Variants in NUCKS1 observed in about 807,000 individuals in gnomAD.
NUCKS1 encodes nuclear ubiquitous casein and cyclin-dependent kinase substrate 1.
A neutral mutation model predicts 33.0 loss-of-function variants in NUCKS1; 2 were observed. That is an observed-to-expected ratio of 0.06 (90% CI 0.02 to 0.19). The LOEUF is 0.19. Among genes scored for constraint, NUCKS1 ranks in the 10% least tolerant of loss-of-function variants. The probability of loss-of-function intolerance (pLI) is 1.00; values close to 1 mark genes in which losing one functional copy is unlikely to be tolerated. For synonymous variants in NUCKS1, 106 were observed against 102.8 expected (o/e 1.03, Z -0.19); for missense variants, 201 against 293.6 (o/e 0.68, Z 2.31).
At chr1:205,720,352 C>T (rs780109094) in intron 5 of NUCKS1, 149 bp downstream of exon 5, 2 of 690,580 alleles carry the variant, frequency 2.9e-6, no homozygotes, top group Non-Finnish European at 4.8e-6. Context: ...TAACAGGAAC[C>T]AATACAGTCA....
At chr1:205,724,251 G>A (rs1420457138) in intron 3 of NUCKS1, among the ~76,000 whole-genome samples, 2 of 152,134 alleles carry the variant, frequency 1.3e-5, no homozygotes, top group Non-Finnish European at 1.5e-5. Flanking sequence ...TTCACCTATG[G>A]ATAAAGCTTG....
At chr1:205,735,157 TCATGTGCTG>T (rs1259056944) in intron 1 of NUCKS1, among the ~76,000 whole-genome samples, 1 of 152,204 alleles carries the variant, frequency 6.6e-6, no homozygotes, top group African/African-American at 2.4e-5. Flanking sequence ...CAAAATACAA[TCATGTGCTG>T]CATGACATTA....
chr1:205,728,100 T>C (rs1015124570), intron 2 of NUCKS1, among the ~76,000 whole-genome samples: 6 of 152,176 alleles, frequency 3.9e-5, no homozygotes, highest in Non-Finnish European at 7.3e-5. Flanking sequence ...TTCACACTTA[T>C]TTGAAAATTA....
intron 2 of NUCKS1, 48 bp downstream of exon 2, chr1:205,729,524 C>T (rs766435254): frequency 2.4e-6 from 3 of 1,274,784 alleles, no homozygotes; most frequent in East Asian, 2.3e-5. Flanking sequence ...AGCTGGTAAC[C>T]TCCACTGGTC....
chr1:205,719,618 G>A lies in NUCKS1; in HGVS notation c.441C>T (p.Gly147=), dbSNP rs567889157. 3 of 1,613,476 alleles carry A rather than the reference G, an allele frequency of 1.9e-6. No homozygotes were observed. Among genetic ancestry groups the A allele is most frequent in the South Asian group, 2.2e-5 (2 of 90,960 alleles). Residue 147 remains glycine, a synonymous_variant, in exon 6 of 7, where the codon GGC becomes GGT. Transcript: ENST00000367142. ...TCTTTTTGTTTTTCTTTTTCGAACT[G>A]CCATAGTCACTATCGTCATCATCTT... is the stretch of plus-strand genomic sequence containing the variant. ...LMEDDDDSDY[G]SSKKKNKKMV... is the part of the protein sequence containing the mutation.
At chr1:205,738,236 C>G (rs1305344465) in intron 1 of NUCKS1, among the ~76,000 whole-genome samples, 1 of 152,068 alleles carries the variant, frequency 6.6e-6, no homozygotes, top group East Asian at 1.9e-4. Flanking sequence ...TCATGTTGGC[C>G]AGGCTGGTTT....
chr1:205,732,393 A>G (rs1174718922), intron 1 of NUCKS1, among the ~76,000 whole-genome samples: 1 of 152,078 alleles, frequency 6.6e-6, no homozygotes, highest in Non-Finnish European at 1.5e-5. Flanking sequence ...GGGGATGAGG[A>G]GCTGTTGTTT....
chr1:205,717,840 ATCTT>A lies in NUCKS1; in HGVS notation c.*436_*439del, dbSNP rs1671852031. On this transcript the variant is annotated 3_prime_UTR_variant, in exon 7 of 7. Coordinates refer to ENST00000367142, the MANE Select transcript of NUCKS1 (RefSeq NM_022731.5). ...AAAGGAGCAATCATTTTGAACTAAAATCTTTCTATGTTTTTTGATTACTATTCAA... is the reference window on the plus strand; with the variant it reads ...AAAGGAGCAATCATTTTGAACTAAAATCTATGTTTTTTGATTACTATTCAA... 4 of 985,846 alleles carry A rather than the reference ATCTT, an allele frequency of 4.1e-6. No individual in the cohort carries two copies. The highest frequency in any genetic ancestry group is 4.8e-6 in the Non-Finnish European group (4 of 830,112). 61.1% of individuals were successfully genotyped at this position (985,846 alleles called of 1,614,324 possible).
intron 4 of NUCKS1, among the ~76,000 whole-genome samples, chr1:205,722,394 T>C (rs1427718277): frequency 6.6e-6 from 1 of 152,108 alleles, no homozygotes; most frequent in Non-Finnish European, 1.5e-5. Flanking sequence ...GTAGCTGGGA[T>C]TACAGGCACC....
intron 1 of NUCKS1, among the ~76,000 whole-genome samples, chr1:205,731,867 G>T (rs1653921243): frequency 6.6e-6 from 1 of 150,848 alleles, no homozygotes; most frequent in Non-Finnish European, 1.5e-5. Flanking sequence ...CTGCACTCCA[G>T]CCTGGGCGAA....
At chr1:205,718,583 A>G (rs959324764) in intron 6 of NUCKS1, 104 bp from the exon 7 acceptor site, 2 of 1,514,096 alleles carry the variant, frequency 1.3e-6, no homozygotes, top group African/African-American at 2.8e-5. Flanking sequence ...CTATAAAGAC[A>G]ATATGCAACT....
intron 1 of NUCKS1, among the ~76,000 whole-genome samples, chr1:205,732,742 C>T (rs823111): frequency 0.34 from 46,239 of 136,744 alleles, 8,726 homozygotes; most frequent in Non-Finnish European, 0.43. Context: ...GATCGCACCA[C>T]TGCACTCCAG....
At chr1:205,734,206 A>G (rs74143847) in intron 1 of NUCKS1, among the ~76,000 whole-genome samples, 2,609 of 152,246 alleles carry the variant, frequency 0.017, 57 homozygotes, top group African/African-American at 0.045. Flanking sequence ...AACCTAAGAC[A>G]CTAAAAAGGA....
rs929460810 is a variant in NUCKS1 at position 205,718,081 on chromosome 1, G to C, written c.*199C>G. 1.7e-6 allele frequency: 2 copies of C among 1,189,838 alleles called. No individual in the cohort carries two copies. The highest frequency in any genetic ancestry group is 1.0e-6 in the Non-Finnish European group (1 of 963,886). 73.7% of individuals were successfully genotyped at this position (1,189,838 alleles called of 1,614,324 possible). ...TAAACACTTACACATACAATGGTTT[G>C]CTTTAAAAAAAAAAAAAAAAAAAGA... On this transcript the variant is annotated 3_prime_UTR_variant, in exon 7 of 7. Transcript: ENST00000367142.
intron 3 of NUCKS1, among the ~76,000 whole-genome samples, chr1:205,726,809 T>C (rs540885010): frequency 1.7e-4 from 26 of 152,196 alleles, no homozygotes; most frequent in African/African-American, 5.8e-4. Context: ...ATAATAGAGA[T>C]TGTCACATAA....
intron 6 of NUCKS1, 41 bp downstream of exon 6, chr1:205,719,486 T>G: frequency 6.4e-7 from 1 of 1,564,892 alleles, no homozygotes; most frequent in South Asian, 1.2e-5. Flanking sequence ...TTCTCAAAAT[T>G]TTTAAAGCAG....
Position 205,750,015 on chromosome 1 carries a change from A to AGGTGGGGGGGGGGGGGGGGGGGG in NUCKS1, c.-43_-42insCCCCCCCCCCCCCCCCCCCCACC. 6.6e-7 allele frequency: 1 copy of AGGTGGGGGGGGGGGGGGGGGGGG among 1,506,284 alleles called. No individual in the cohort carries two copies. Among genetic ancestry groups the AGGTGGGGGGGGGGGGGGGGGGGG allele is most frequent in the Non-Finnish European group, 9.0e-7 (1 of 1,114,428 alleles). The allele number at this position is 1,506,284 out of a possible 1,614,324, so 93.3% of individuals were successfully genotyped here. Reference sequence around the variant, plus strand: ...GGACCGAGTCGAGAAGCCAAAGACCAGGACCCCCCCCACCCCGCGCGCTCG... The same window carrying AGGTGGGGGGGGGGGGGGGGGGGG: ...GGACCGAGTCGAGAAGCCAAAGACCAGGTGGGGGGGGGGGGGGGGGGGGGGACCCCCCCCACCCCGCGCGCTCG... On this transcript the variant is annotated 5_prime_UTR_variant, in exon 1 of 7. Coordinates refer to ENST00000367142, the MANE Select transcript of NUCKS1 (RefSeq NM_022731.5).
At chr1:205,741,266 C>G (rs1365844254) in intron 1 of NUCKS1, among the ~76,000 whole-genome samples, 1 of 134,910 alleles carries the variant, frequency 7.4e-6, no homozygotes, top group Admixed American at 8.1e-5. Flanking sequence ...CGCCACTGCA[C>G]TCCAGCCTGG....
intron 1 of NUCKS1, among the ~76,000 whole-genome samples, chr1:205,731,975 TAG>T (rs1653925556): frequency 6.6e-6 from 1 of 152,068 alleles, no homozygotes. Context: ...CTTGGCTGTA[TAG>T]ATTAAGACAC....
Sources: allele counts gnomAD v4.1 joint callset (sites outside exome capture counted in the v4.1 genomes callset), GRCh38; gene constraint gnomAD v4.1.1; transcripts MANE v1.5; gene names NCBI Gene and HGNC (gene_info 2026-07-23, HGNC 2026-07-21).